CNGA3: variants seen among roughly 807,000 people sequenced by gnomAD.
The protein encoded by CNGA3 is cyclic nucleotide-gated channel alpha-3.
A neutral mutation model predicts 46.6 loss-of-function variants in CNGA3; 42 were observed. That is an observed-to-expected ratio of 0.90 (90% confidence interval 0.70 to 1.17). CNGA3 has a LOEUF of 1.17. Among genes scored for constraint, CNGA3 ranks in the 50% most tolerant of loss-of-function variants. CNGA3 has a pLI of 0.00. For synonymous variants in CNGA3, 394 were observed against 369.4 expected (o/e 1.07, Z -0.76); for missense variants, 893 against 890.7 (o/e 1.00, Z -0.03).
Position 98,396,966 on chromosome 2 carries a change from A to G in CNGA3, c.1796A>G (p.Glu599Gly), listed in dbSNP as rs1434442344. The G allele has an allele frequency of 6.2e-7, 1 of 1,614,152 alleles. No individual in the cohort carries two copies. The highest frequency in any genetic ancestry group is 1.7e-5 in the Admixed American group (1 of 60,030). Residue 599 changes from glutamate to glycine, a missense_variant, in exon 8 of 8, where the codon GAG (glutamate) becomes GGG (glycine). Glu to Gly is a moderately conservative substitution (Grantham distance 98). Transcript: ENST00000272602. Reference protein sequence around the residue: ...TEYPEAKKALEEKGRQILMKD... With the variant: ...TEYPEAKKALGEKGRQILMKD... ...TACCCCGAAGCCAAGAAGGCCCTGG[A>G]GGAGAAAGGACGGCAGATCCTGATG...
At chr2:98,374,361 C>T (rs1471287517) in intron 2 of CNGA3, among the ~76,000 whole-genome samples, 1 of 152,208 alleles carries the variant, frequency 6.6e-6, no homozygotes, top group Non-Finnish European at 1.5e-5. Flanking sequence ...AGGGGGGCCT[C>T]TTCCTTGGAA....
chr2:98,384,756 G>C (rs1692616992), intron 5 of CNGA3, among the ~76,000 whole-genome samples: 1 of 152,170 alleles, frequency 6.6e-6, no homozygotes, highest in Admixed American at 6.5e-5. Flanking sequence ...GGGTTTCTAG[G>C]CATCTTTGTC....
chr2:98,359,861 C>T (rs755534983), intron 1 of CNGA3, among the ~76,000 whole-genome samples: 3 of 152,220 alleles, frequency 2.0e-5, no homozygotes, highest in African/African-American at 4.8e-5. Context: ...CCCAGGCAGG[C>T]TCTAGAACCA....
rs548182828 is a variant in CNGA3 at position 98,378,168 on chromosome 2, A to AG, written c.215+369dup. 5.0e-4 allele frequency: 769 copies of AG among 1,550,640 alleles called. 2 individuals carry two copies. In the South Asian group the frequency reaches 5.5e-3, roughly 11 times the overall value. On this transcript the variant is annotated intron_variant, in intron 3 of 7. Coordinates refer to ENST00000272602, the MANE Select transcript of CNGA3 (RefSeq NM_001298.3). The stretch of plus-strand genomic sequence containing the variant: ...TGGTGTGCTGAGGATGGTGGTGATG[A>AG]GTCTGAAATGGCTCTGGCAGGGTCT...
chr2:98,354,793 T>C (rs192582723), intron 1 of CNGA3, among the ~76,000 whole-genome samples: 491 of 152,248 alleles, frequency 3.2e-3, no homozygotes, highest in Admixed American at 6.1e-3. Flanking sequence ...TCTAAAGAAA[T>C]AAAAAATGAA....
At chr2:98,369,745 T>C (rs1042902460) in intron 1 of CNGA3, among the ~76,000 whole-genome samples, 194 bp from the exon 2 acceptor site, 1 of 152,234 alleles carries the variant, frequency 6.6e-6, no homozygotes, top group African/African-American at 2.4e-5. Context: ...AAAGACTTTG[T>C]GCCTTATGCT....
At chr2:98,372,084 C>T (rs1477129522) in intron 2 of CNGA3, among the ~76,000 whole-genome samples, 1 of 152,226 alleles carries the variant, frequency 6.6e-6, no homozygotes, top group Non-Finnish European at 1.5e-5. Context: ...CCGGCTCCTT[C>T]CGGTGAGATA....
chr2:98,347,457 C>A lies in CNGA3; in HGVS notation c.-38+923C>A, dbSNP rs371972885. Among the ~76,000 whole-genome samples, 509 of 152,310 alleles carry A rather than the reference C, an allele frequency of 3.3e-3. 3 individuals are homozygous for A. Among genetic ancestry groups the A allele is most frequent in the African/African-American group, 0.011 (476 of 41,584 alleles). The stretch of plus-strand genomic sequence containing the variant: ...CCCTCGCAGTCCCGCAACCCCGGGC[C>A]GGGTGATTCATTTTTCTCCCTGTGT... On this transcript the variant is annotated intron_variant, in intron 1 of 7. Coordinates refer to ENST00000272602, the MANE Select transcript of CNGA3 (RefSeq NM_001298.3).
chr2:98,384,921 A>G (rs1445028785), intron 5 of CNGA3, among the ~76,000 whole-genome samples: 2 of 152,188 alleles, frequency 1.3e-5, no homozygotes, highest in Non-Finnish European at 2.9e-5. Flanking sequence ...GACACACACA[A>G]AATAATTATT....
intron 5 of CNGA3, among the ~76,000 whole-genome samples, chr2:98,387,578 G>A (rs1160254411): frequency 1.3e-5 from 2 of 152,210 alleles, no homozygotes; most frequent in Non-Finnish European, 1.5e-5. Flanking sequence ...AGGCAGCAGT[G>A]TGAAGTCTTA....
At chr2:98,362,030 A>G (rs1410412074) in intron 1 of CNGA3, among the ~76,000 whole-genome samples, 1 of 151,474 alleles carries the variant, frequency 6.6e-6, no homozygotes, top group Non-Finnish European at 1.5e-5. Context: ...AATAATCACC[A>G]TTATGACTGG....
At chr2:98,388,562 T>A (rs190898149) in intron 5 of CNGA3, among the ~76,000 whole-genome samples, 163 of 152,268 alleles carry the variant, frequency 1.1e-3, no homozygotes, top group African/African-American at 3.7e-3. Flanking sequence ...AAGAATCCTC[T>A]CCAAGCTCCG....
chr2:98,367,998 A>T (rs1692201437), intron 1 of CNGA3, among the ~76,000 whole-genome samples: 2 of 152,254 alleles, frequency 1.3e-5, no homozygotes, highest in African/African-American at 4.8e-5. Context: ...GCACTGTCAG[A>T]TCCTTGAGAA....
chr2:98,377,705 G>T lies in CNGA3; in HGVS notation c.120G>T (p.Glu40Asp). ...NGLSRAHSSSEETSSVLQPGI... is the reference protein window; with the variant it reads ...NGLSRAHSSSDETSSVLQPGI... ...TTCCTAGAGCCCACTCGTCAAGTGA[G>T]GAGACATCGTCAGTGCTGCAGCCGG... Residue 40 changes from glutamate (E) to aspartate (D), a missense_variant, in exon 3 of 8, where the codon GAG becomes GAT. This residue lies in a region of CNGA3 where 333 missense variants were observed against 290.8 expected (regional missense o/e 1.15). Coordinates refer to ENST00000272602, the MANE Select transcript of CNGA3 (RefSeq NM_001298.3). The T allele has an allele frequency of 6.2e-7, 1 of 1,613,402 alleles. No homozygotes were observed. The highest frequency in any genetic ancestry group is 8.5e-7 in the Non-Finnish European group (1 of 1,179,988).
intron 1 of CNGA3, among the ~76,000 whole-genome samples, chr2:98,357,063 A>G (rs1691898485): frequency 6.6e-6 from 1 of 152,186 alleles, no homozygotes; most frequent in African/African-American, 2.4e-5. Context: ...CAGTTCCTCC[A>G]TTTATCACAC....
At chr2:98,381,353 AT>A (rs1386234157) in intron 4 of CNGA3, among the ~76,000 whole-genome samples, 2 of 152,124 alleles carry the variant, frequency 1.3e-5, no homozygotes, top group African/African-American at 4.8e-5. Flanking sequence ...TCCCTATATA[AT>A]TTGCTAGAGA....
chr2:98,397,573 C>G lies in CNGA3; in HGVS notation c.*318C>G. On this transcript the variant is annotated 3_prime_UTR_variant, in exon 8 of 8. Transcript: ENST00000272602. ...GACTCTCATTACTTTTTTATGGAAT[C>G]TGCAAGGTGTTTTTAGGCTTTTTAA... The G allele has an allele frequency of 2.4e-6, 1 of 409,724 alleles. No homozygotes were observed. The highest frequency in any genetic ancestry group is 4.4e-6 in the Non-Finnish European group (1 of 224,850). The allele number at this position is 409,724 out of a possible 1,614,324, so 25.4% of individuals were successfully genotyped here.
At chr2:98,383,509 C>T (rs1232639579) in intron 5 of CNGA3, 68 bp downstream of exon 5, 5 of 1,487,560 alleles carry the variant, frequency 3.4e-6, no homozygotes, top group African/African-American at 1.4e-5. Flanking sequence ...GAAGCCCCAG[C>T]TTGGCCTCTC....
chr2:98,368,803 G>A (rs1314632490), intron 1 of CNGA3, among the ~76,000 whole-genome samples: 1 of 152,196 alleles, frequency 6.6e-6, no homozygotes, highest in Non-Finnish European at 1.5e-5. Context: ...CTGATTGGCT[G>A]GCTTAGGGAT....
Sources: allele counts gnomAD v4.1 joint callset (sites outside exome capture counted in the v4.1 genomes callset), GRCh38; gene constraint gnomAD v4.1.1; regional missense constraint gnomAD v4.1.1; transcripts MANE v1.5; gene names NCBI Gene and HGNC (gene_info 2026-07-23, HGNC 2026-07-21).